Variants in SLC28A3 observed in about 807,000 individuals in gnomAD.
SLC28A3 encodes the protein concentrative Na(+)-nucleoside cotransporter 3.
In SLC28A3, 68 loss-of-function variants were observed where a neutral mutation model predicts 84.2. That is an observed-to-expected ratio of 0.81 (90% CI 0.66 to 0.99). The LOEUF is 0.99. SLC28A3 is among the 50% of genes least tolerant of loss of function. The pLI is 0.00. For missense variants in SLC28A3, 712 were observed against 841.5 expected, an observed-to-expected ratio of 0.85 and a Z score of 1.90; for synonymous variants, 267 against 303.6, an observed-to-expected ratio of 0.88 and a Z score of 1.25.
chr9:84,340,864 C>T (rs1213755695), upstream of SLC28A3, among the ~76,000 whole-genome samples: 3 of 152,078 alleles, frequency 2.0e-5, no homozygotes, highest in Non-Finnish European at 2.9e-5. Flanking sequence ...TGCTGGCCCG[C>T]CCACCTTATT....
the SLC28A3 span, among the ~76,000 whole-genome samples, chr9:84,346,453 A>G: frequency 6.6e-6 from 1 of 152,230 alleles, no homozygotes; most frequent in African/African-American, 2.4e-5. Context: ...GTTGAGCATG[A>G]TGTGTTATAT....
chr9:84,297,141 G>T, intron 8 of SLC28A3, 80 bp downstream of exon 8: 1 of 1,269,568 alleles, frequency 7.9e-7, no homozygotes, highest in Non-Finnish European at 1.1e-6. Context: ...TTTTTGGTCA[G>T]TTAAGTTCTA....
intron 1 of SLC28A3, among the ~76,000 whole-genome samples, chr9:84,321,199 C>T (rs1826363523): frequency 6.6e-6 from 1 of 152,028 alleles, no homozygotes; most frequent in Admixed American, 6.6e-5. Context: ...AGAAGATAAA[C>T]AAGGATATAA....
chr9:84,308,685 A>G (rs143602924), intron 3 of SLC28A3, among the ~76,000 whole-genome samples: 47 of 152,312 alleles, frequency 3.1e-4, no homozygotes, highest in African/African-American at 1.1e-3. Flanking sequence ...ATCAAATTTA[A>G]GTAGGAATAT....
chr9:84,307,132 CAA>C (rs34204820), intron 3 of SLC28A3, among the ~76,000 whole-genome samples: 20 of 119,598 alleles, frequency 1.7e-4, no homozygotes, highest in Admixed American at 1.7e-4. Context: ...CCGTCTCAAC[CAA>C]AAAAAAAAAA....
chr9:84,340,511 G>C, intron 1 of SLC28A3, 63 bp downstream of exon 1: 1 of 1,561,044 alleles, frequency 6.4e-7, no homozygotes, highest in Non-Finnish European at 8.8e-7. Context: ...ACTTGCCAAG[G>C]GGCTAAGGAA....
At chr9:84,367,379 C>A in the SLC28A3 span, among the ~76,000 whole-genome samples, 1 of 152,280 alleles carries the variant, frequency 6.6e-6, no homozygotes, top group East Asian at 1.9e-4. Context: ...TGGTGCTTTG[C>A]CCATTTGTGG....
intron 1 of SLC28A3, among the ~76,000 whole-genome samples, chr9:84,339,324 A>ACTGCAGCCTCTGCCTCC (rs1827081591): frequency 6.6e-6 from 1 of 152,146 alleles, no homozygotes; most frequent in Non-Finnish European, 1.5e-5. Context: ...ATCTTGGCTC[A>ACTGCAGCCTCTGCCTCC]CTGCAGCCTC....
At chr9:84,330,328 C>T (rs1218406877) in intron 1 of SLC28A3, among the ~76,000 whole-genome samples, 11 of 152,124 alleles carry the variant, frequency 7.2e-5, no homozygotes, top group Non-Finnish European at 1.6e-4. Context: ...ACTGATATTA[C>T]AGAAATAAAT....
At chr9:84,361,717 G>A in the SLC28A3 span, among the ~76,000 whole-genome samples, 2 of 151,588 alleles carry the variant, frequency 1.3e-5, no homozygotes, top group African/African-American at 4.9e-5. Context: ...CCCCAAAAGA[G>A]GCAATATGAA....
chr9:84,349,967 T>A, the SLC28A3 span, among the ~76,000 whole-genome samples: 5 of 152,060 alleles, frequency 3.3e-5, no homozygotes, highest in Non-Finnish European at 7.4e-5. Flanking sequence ...CATCACAGAG[T>A]GTATTTACAC....
chr9:84,344,281 C>T (rs28406893), upstream of SLC28A3, among the ~76,000 whole-genome samples: 8,056 of 150,554 alleles, frequency 0.054, 443 homozygotes, highest in East Asian at 0.17. Context: ...CTCCGACTTC[C>T]GGGTTCAAGT....
chr9:84,329,237 G>A (rs191972466), intron 1 of SLC28A3, among the ~76,000 whole-genome samples: 32 of 152,310 alleles, frequency 2.1e-4, no homozygotes, highest in Admixed American at 1.2e-3. Context: ...AAAACTGACA[G>A]AATTCATGGG....
intron 1 of SLC28A3, among the ~76,000 whole-genome samples, chr9:84,316,925 AG>A (rs1450564300): frequency 6.6e-6 from 1 of 152,024 alleles, no homozygotes; most frequent in Non-Finnish European, 1.5e-5. Flanking sequence ...CGCTTGAACC[AG>A]GGAAGTGGAG....
chr9:84,333,675 G>C (rs554016135), intron 1 of SLC28A3, among the ~76,000 whole-genome samples: 11 of 152,246 alleles, frequency 7.2e-5, no homozygotes, highest in African/African-American at 2.4e-4. Flanking sequence ...TGAGAAATGG[G>C]AATACTCACT....
chr9:84,327,985 A>G (rs892738336), intron 1 of SLC28A3, among the ~76,000 whole-genome samples: 2 of 151,642 alleles, frequency 1.3e-5, no homozygotes, highest in African/African-American at 4.8e-5. Flanking sequence ...AGTTGATCAG[A>G]CTCAGAGTTC....
intron 9 of SLC28A3, 40 bp downstream of exon 9, chr9:84,294,155 A>C (rs370615883): frequency 6.3e-7 from 1 of 1,580,052 alleles, no homozygotes; most frequent in Non-Finnish European, 8.6e-7. Flanking sequence ...TGAGATAATC[A>C]GCTCTACACC....
the SLC28A3 span, among the ~76,000 whole-genome samples, chr9:84,357,803 G>A: frequency 1.3e-5 from 2 of 152,138 alleles, no homozygotes; most frequent in Non-Finnish European, 2.9e-5. Context: ...AACTATGGCC[G>A]TGAGATAACC....
chr9:84,342,739 A>G (rs1471213210), upstream of SLC28A3, among the ~76,000 whole-genome samples: 1 of 152,194 alleles, frequency 6.6e-6, no homozygotes, highest in Non-Finnish European at 1.5e-5. Context: ...AAGGAAAAGA[A>G]GGAGTTTCTG....
Sources: allele counts gnomAD v4.1 joint callset (sites outside exome capture counted in the v4.1 genomes callset), GRCh38; gene constraint gnomAD v4.1.1; transcripts MANE v1.5; gene names NCBI Gene and HGNC (gene_info 2026-07-23, HGNC 2026-07-21).